The following TAPBP variants were observed in gnomAD, a reference collection of about 807,000 sequenced individuals.
TAPBP encodes tapasin.
A neutral mutation model predicts 45.7 loss-of-function variants in TAPBP; 38 were observed. The observed-to-expected ratio is 0.83, with a 90% CI of 0.64 to 1.09. TAPBP has a LOEUF of 1.09. TAPBP is among the 50% of genes least tolerant of loss of function. The probability of loss-of-function intolerance (pLI) is 0.00; values close to 1 mark genes in which losing one functional copy is unlikely to be tolerated. For synonymous variants in TAPBP, 226 were observed against 254.8 expected (o/e 0.89, Z 1.08); for missense variants, 513 against 587.3 (o/e 0.87, Z 1.31).
chr6:33,312,967 T>A, intron 3 of TAPBP: 8 of 370,324 alleles, frequency 2.2e-5, no homozygotes, highest in Admixed American at 4.2e-5. Flanking sequence ...GTAACCCCCC[T>A]GCCCGGCCCT....
Position 33,305,964 on chromosome 6 carries a change from A to C in TAPBP, c.470-577T>G, listed in dbSNP as rs141813297. Among the ~76,000 whole-genome samples, 17 of 152,288 alleles carry C rather than the reference A, an allele frequency of 1.1e-4. No homozygotes were observed. The highest frequency in any genetic ancestry group is 2.4e-4 in the Non-Finnish European group (16 of 68,014). On this transcript the variant is annotated intron_variant, in intron 3 of 7. Coordinates refer to ENST00000434618, the MANE Select transcript of TAPBP (RefSeq NM_003190.5). The surrounding 1 kb of genome is among the most constrained non-coding windows in gnomAD (Gnocchi z 4.4). The stretch of plus-strand genomic sequence containing the variant: ...CGGGTTCAAATCCCCTCTGCAGCTT[A>C]TTTATATGGCCTTGGGCCACTTCCT...
chr6:33,304,578 G>A lies in TAPBP; in HGVS notation c.929C>T (p.Pro310Leu), dbSNP rs1768827902. Residue 310 changes from proline to leucine, a missense_variant, in exon 5 of 8, where the codon CCC becomes CTC. Transcript: ENST00000434618. ...GGACACAAGGCAGAGCAATTCCGGG[G>A]GTGCCTCCCCTGGGGCGGCCCGTGC... ...TLARAAPGEA[P>L]PELLCLVSHF... 3.1e-6 allele frequency: 5 copies of A among 1,603,598 alleles called. No individual in the cohort carries two copies. The highest frequency in any genetic ancestry group is 1.3e-5 in the African/African-American group (1 of 74,846).
In TAPBP at chr6:33,304,194, C is replaced by T. The variant is rs138516982; in HGVS notation, c.1234G>A (p.Asp412Asn). ...GCAGACAGGAAAAGGCCTACGCTGT[C>T]CTCAAGGGAGGGCCCTGAAAGACCT... ...VAGLSGPSLE[D>N]SVGLFLSAFL... The change falls in exon 6 of 8, where the codon GAC becomes AAC. Residue 412 changes from aspartate to asparagine, a missense_variant. Transcript: ENST00000434618. 4.0e-4 allele frequency: 650 copies of T among 1,613,762 alleles called. 3 individuals carry two copies. In the African/African-American group the frequency reaches 6.3e-3, roughly 16 times the overall value.
Position 33,313,469 on chromosome 6 carries a change from C to T in TAPBP, c.217G>A (p.Gly73Ser), listed in dbSNP as rs1267765069. ...CGCCTGAAGGCAGCCTGGAGGGCGC[C>T]CGCGGGGTCTGAGTGTAGAGAAGGA... ...ELYLSVHDPA[G>S]ALQAAFRRYP... is the part of the protein sequence containing the mutation. Residue 73 changes from glycine (G) to serine (S), a missense_variant, in exon 3 of 8, where the codon GGC becomes AGC. By Grantham distance (56) the Gly-to-Ser change is moderately conservative (BLOSUM62 0). Transcript: ENST00000434618. The surrounding 1 kb of genome is among the most constrained non-coding windows in gnomAD (Gnocchi z 7.2). 6.4e-7 allele frequency: 1 copy of T among 1,571,738 alleles called. No homozygotes were observed. The highest frequency in any genetic ancestry group is 2.3e-5 in the East Asian group (1 of 43,704).
intron 7 of TAPBP, 186 bp downstream of exon 7, chr6:33,303,767 CAT>C (rs1562684321): frequency 6.4e-7 from 1 of 1,552,558 alleles, no homozygotes; most frequent in East Asian, 2.4e-5. Context: ...CCCAAGGAAA[CAT>C]ATAGATTAAG....
In TAPBP at chr6:33,313,441, T is replaced by C. The variant is rs1234932432; in HGVS notation, c.245A>G (p.Tyr82Cys). 1.3e-6 allele frequency: 2 copies of C among 1,595,774 alleles called. No homozygotes were observed. Among genetic ancestry groups the C allele is most frequent in the Admixed American group, 3.4e-5 (2 of 58,414 alleles). ...GTGTGGTGCGGGGGCGCCCCGGGGA[T>C]ACCGCCTGAAGGCAGCCTGGAGGGC... ...AGALQAAFRRYPRGAPAPHCE... is the reference protein window; with the variant it reads ...AGALQAAFRRCPRGAPAPHCE... The change falls in exon 3 of 8, where the codon TAT (tyrosine) becomes TGT (cysteine). Residue 82 changes from tyrosine to cysteine, a missense_variant. Transcript: ENST00000434618. The surrounding 1 kb of genome is among the most constrained non-coding windows in gnomAD (Gnocchi z 7.2).
intron 3 of TAPBP, among the ~76,000 whole-genome samples, chr6:33,312,436 G>C (rs1469328844): frequency 6.6e-6 from 1 of 152,070 alleles, no homozygotes; most frequent in African/African-American, 2.4e-5. Flanking sequence ...ATTCTACCCC[G>C]GAATACCCCG....
Position 33,313,828 on chromosome 6 carries a change from A to T in TAPBP, c.74T>A (p.Ile25Asn). The T allele has an allele frequency of 6.2e-7, 1 of 1,613,826 alleles. No individual in the cohort carries two copies. ...CGCATCCTCCACGAACCAACACTCG[A>T]TCACCGCGGGTCCTGCTGAGACGGC... is the stretch of plus-strand genomic sequence containing the variant. ...ATAVSAGPAV[I>N]ECWFVEDASG... is the part of the protein sequence containing the mutation. The change falls in exon 2 of 8, where the codon ATC becomes AAC. Residue 25 changes from isoleucine (I) to asparagine (N), a missense_variant. Physicochemically the swap from Ile to Asn is moderately radical, Grantham distance 149. Transcript: ENST00000434618. The surrounding 1 kb of genome is among the most constrained non-coding windows in gnomAD (Gnocchi z 7.2).
intron 3 of TAPBP, among the ~76,000 whole-genome samples, chr6:33,307,237 G>A (rs1289573759): frequency 6.6e-6 from 1 of 151,888 alleles, no homozygotes; most frequent in East Asian, 1.9e-4. Flanking sequence ...GCCGTAAGCT[G>A]AAATCATGCC....
At chr6:33,311,738 G>A (rs1019546919) in intron 3 of TAPBP, among the ~76,000 whole-genome samples, 2 of 152,174 alleles carry the variant, frequency 1.3e-5, no homozygotes, top group African/African-American at 2.4e-5. Context: ...CACTTCCAGG[G>A]CTCCCTGTCT....
rs1052912647 is a variant in TAPBP at position 33,304,353 on chromosome 6, T to A, written c.1154A>T (p.His385Leu). The A allele has an allele frequency of 6.2e-7, 1 of 1,610,888 alleles. No individual in the cohort carries two copies. Among genetic ancestry groups the A allele is most frequent in the African/African-American group, 1.3e-5 (1 of 74,858 alleles). The change falls in exon 5 of 8, where the codon CAC becomes CTC. Residue 385 changes from histidine (H) to leucine (L), a missense_variant. Physicochemically the swap from His to Leu is moderately conservative, Grantham distance 99. Transcript: ENST00000434618. Reference sequence around the variant, plus strand: ...CCCCGAGGCAGGCAGGCTGGGATGGTGAATTCGACAGGCATAGCGTGCCCC... The same window carrying A: ...CCCCGAGGCAGGCAGGCTGGGATGGAGAATTCGACAGGCATAGCGTGCCCC... ...QHGARYACRI[H>L]HPSLPASGRS...
chr6:33,308,813 G>A (rs1046172174), intron 3 of TAPBP, among the ~76,000 whole-genome samples: 2 of 151,864 alleles, frequency 1.3e-5, no homozygotes, highest in African/African-American at 4.8e-5. Context: ...TTCTCCCAGT[G>A]TGGCTCAGGG....
chr6:33,305,530 T>C lies in TAPBP; in HGVS notation c.470-143A>G, dbSNP rs1768920676. On this transcript the variant is annotated intron_variant, in intron 3 of 7. Coordinates refer to ENST00000434618, the MANE Select transcript of TAPBP (RefSeq NM_003190.5). This position sits in a 1 kb window ranked among gnomAD's most constrained non-coding sequence, Gnocchi z 4.4. ...AGGACACCTTTTCTGATACTCACCATTTCCTAGCCCTCCCTGCAAACTCCT... is the reference window on the plus strand; with the variant it reads ...AGGACACCTTTTCTGATACTCACCACTTCCTAGCCCTCCCTGCAAACTCCT... 1 of 981,542 alleles carries C rather than the reference T, an allele frequency of 1.0e-6. No individual in the cohort carries two copies. 60.8% of individuals were successfully genotyped at this position (981,542 alleles called of 1,614,324 possible). A position where few individuals can be genotyped will look rare whatever the true frequency, so the allele number is the denominator to read the frequency against.
intron 3 of TAPBP, among the ~76,000 whole-genome samples, chr6:33,311,654 AAAAT>A (rs1429616800): frequency 1.3e-5 from 2 of 152,032 alleles, no homozygotes; most frequent in Non-Finnish European, 2.9e-5. Context: ...AAATAAAATA[AAAAT>A]AAATAAATAG....
Position 33,313,057 on chromosome 6 carries a change from T to A in TAPBP, c.469+160A>T. 1.4e-6 allele frequency: 1 copy of A among 717,816 alleles called. No individual in the cohort carries two copies. Among genetic ancestry groups the A allele is most frequent in the Non-Finnish European group, 2.2e-6 (1 of 462,038 alleles). The allele number at this position is 717,816 out of a possible 1,614,324, so 44.5% of individuals were successfully genotyped here. Reference sequence around the variant, plus strand: ...ACTGGGTGAGGGCTAGAAGGAGCGGTAGAGATTGATTCATTCTAGCCAAAC... The same window carrying A: ...ACTGGGTGAGGGCTAGAAGGAGCGGAAGAGATTGATTCATTCTAGCCAAAC... On this transcript the variant is annotated intron_variant, in intron 3 of 7. Transcript: ENST00000434618. This position sits in a 1 kb window ranked among gnomAD's most constrained non-coding sequence, Gnocchi z 7.2.
chr6:33,311,324 A>AAAAT lies in TAPBP; in HGVS notation c.469+1889_469+1892dup, dbSNP rs555651935. On this transcript the variant is annotated intron_variant, in intron 3 of 7. Coordinates refer to ENST00000434618, the MANE Select transcript of TAPBP (RefSeq NM_003190.5). The stretch of plus-strand genomic sequence containing the variant: ...GCAATAAGAGGGAGACTCCGTCTCA[A>AAAAT]AAATAAATAAATAAATAAATAGCAG... Among the ~76,000 whole-genome samples, 45 of 152,224 alleles carry AAAAT rather than the reference A, an allele frequency of 3.0e-4. No individual in the cohort carries two copies. In the South Asian group the frequency reaches 5.2e-3, roughly 18 times the overall value.
rs747106102 is a variant in TAPBP at position 33,313,222 on chromosome 6, G to C, written c.464C>G (p.Ala155Gly). The C allele has an allele frequency of 3.2e-5, 51 of 1,605,126 alleles. No homozygotes were observed. Among genetic ancestry groups the C allele is most frequent in the Non-Finnish European group, 4.2e-5 (49 of 1,173,014 alleles). The change falls in exon 3 of 8, where the codon GCA becomes GGA. Residue 155 changes from alanine (A) to glycine (G), a missense_variant. Coordinates refer to ENST00000434618, the MANE Select transcript of TAPBP (RefSeq NM_003190.5). This position sits in a 1 kb window ranked among gnomAD's most constrained non-coding sequence, Gnocchi z 7.2. ...PQQEPVLITMATVVLTVLTHT... is the reference protein window; with the variant it reads ...PQQEPVLITMGTVVLTVLTHT... ...CACCTCCCCTCCCCAGCTACCTGTT[G>C]CCATGGTGATGAGAACAGGCTCCTG... is the stretch of plus-strand genomic sequence containing the variant.
Position 33,303,941 on chromosome 6 carries a change from GT to G in TAPBP, c.1335+13del, listed in dbSNP as rs749130678. ...AGTGACAAGGGAAAGATACAGAGAG[GT>G]GGAGCACTGTACCTTCTTTGAATCC... On this transcript the variant is annotated intron_variant, in intron 7 of 7. Coordinates refer to ENST00000434618, the MANE Select transcript of TAPBP (RefSeq NM_003190.5). 6.2e-6 allele frequency: 10 copies of G among 1,613,896 alleles called. No individual in the cohort carries two copies. The African/African-American group carries it at 1.3e-4, about 22-fold the overall frequency.
chr6:33,309,071 A>C (rs987275748), intron 3 of TAPBP, among the ~76,000 whole-genome samples: 5 of 143,728 alleles, frequency 3.5e-5, no homozygotes, highest in Non-Finnish European at 6.1e-5. Flanking sequence ...AAAATCCAGA[A>C]ACATACTTTT....
Sources: gnomAD v4.1 joint callset for allele counts (sites outside exome capture counted in the v4.1 genomes callset) on GRCh38, gnomAD v4.1.1 for gene constraint, Gnocchi (gnomAD v3.1) non-coding constraint, MANE v1.5 for transcripts, NCBI Gene and HGNC (gene_info 2026-07-23, HGNC 2026-07-21) for gene names.